Variants in MLLT1 observed in about 807,000 individuals in gnomAD.
MLLT1 encodes MLLT1 super elongation complex subunit, also known as protein ENL.
MLLT1 carries 11 observed loss-of-function variants against 55.1 expected under a neutral mutation model. The ratio of observed to expected loss-of-function variants is 0.20; its 90% CI spans 0.13 to 0.33. The LOEUF is 0.33. MLLT1 is among the 10% of genes least tolerant of loss of function. MLLT1 has a pLI of 1.00. For missense variants in MLLT1, 536 were observed against 760.6 expected (o/e 0.70, Z 3.47); for synonymous variants, 323 against 320.1 (o/e 1.01, Z -0.10).
rs762472799 is a variant in MLLT1 at position 6,217,991 on chromosome 19, T to G, written c.1161A>C (p.Ser387=). 6.8e-6 allele frequency: 11 copies of G among 1,606,810 alleles called. No individual in the cohort carries two copies. Among genetic ancestry groups the G allele is most frequent in the Middle Eastern group, 1.7e-4 (1 of 6,052 alleles). Residue 387 remains serine, a synonymous_variant, in exon 7 of 12, where the codon TCA becomes TCC. Transcript: ENST00000252674. The part of the protein sequence containing the change: ...SNSSSSSDSS[S]DSDFEPSQNH... The stretch of plus-strand genomic sequence containing the variant: ...TCTGGGATGGCTCGAAGTCTGAGTC[T>G]GAGCTGGAGTCTGAGCTGGAGCTGG...
chr19:6,262,125 TG>T lies in MLLT1; in HGVS notation c.276+102del. On this transcript the variant is annotated intron_variant, in intron 3 of 11. Coordinates refer to ENST00000252674, the MANE Select transcript of MLLT1 (RefSeq NM_005934.4). This position sits in a 1 kb window ranked among gnomAD's most constrained non-coding sequence, Gnocchi z 4.4. ...CAGCACTCACTGGAATGTCTGTGCA[TG>T]GGCAGCGGCCAGTTCTCTGGCCTGT... is the stretch of plus-strand genomic sequence containing the variant. 1.2e-6 allele frequency: 1 copy of T among 866,622 alleles called. No homozygotes were observed. The highest frequency in any genetic ancestry group is 1.9e-6 in the Non-Finnish European group (1 of 519,824). 53.7% of individuals were successfully genotyped at this position (866,622 alleles called of 1,614,324 possible). A position where few individuals can be genotyped will look rare whatever the true frequency, so the allele number is the denominator to read the frequency against.
At chr19:6,243,753 A>T (rs1030064111) in intron 3 of MLLT1, among the ~76,000 whole-genome samples, 7 of 152,138 alleles carry the variant, frequency 4.6e-5, no homozygotes, top group Non-Finnish European at 7.4e-5. Context: ...ACATAAGAAG[A>T]AGTCAATCGG....
intron 3 of MLLT1, among the ~76,000 whole-genome samples, chr19:6,239,905 A>G (rs571053921): frequency 1.5e-4 from 23 of 151,900 alleles, no homozygotes; most frequent in Admixed American, 1.5e-3. Context: ...TGCATATATC[A>G]CCTTGGCTTT....
chr19:6,273,036 C>T lies in MLLT1; in HGVS notation c.13-2277G>A, dbSNP rs896486269. Among the ~76,000 whole-genome samples, 6 of 152,130 alleles carry T rather than the reference C, an allele frequency of 3.9e-5. No individual in the cohort carries two copies. Among genetic ancestry groups the T allele is most frequent in the Non-Finnish European group, 4.4e-5 (3 of 68,022 alleles). The stretch of plus-strand genomic sequence containing the variant: ...CAGGACGACTGTCCCTCTGGAGTTC[C>T]CTGGGAAAAGAGGGCAGGGACTCCC... On this transcript the variant is annotated intron_variant, in intron 1 of 11. Transcript: ENST00000252674. This position sits in a 1 kb window ranked among gnomAD's most constrained non-coding sequence, Gnocchi z 4.3.
chr19:6,221,723 T>A (rs1308009897), intron 6 of MLLT1, among the ~76,000 whole-genome samples: 1 of 152,124 alleles, frequency 6.6e-6, no homozygotes, highest in African/African-American at 2.4e-5. Flanking sequence ...TTGGCAGAGC[T>A]CCAGGCCGGG....
At position 6,229,280 on chromosome 19, in the gene MLLT1, G is replaced by A. The variant is rs1311295905; in HGVS notation, c.420+1290C>T. Among the ~76,000 whole-genome samples, 1 of 152,108 alleles carries A rather than the reference G, an allele frequency of 6.6e-6. No individual in the cohort carries two copies. The highest frequency in any genetic ancestry group is 1.5e-5 in the Non-Finnish European group (1 of 68,008). On this transcript the variant is annotated intron_variant, in intron 4 of 11. Coordinates refer to ENST00000252674, the MANE Select transcript of MLLT1 (RefSeq NM_005934.4). The surrounding 1 kb of genome is among the most constrained non-coding windows in gnomAD (Gnocchi z 5.2). The stretch of plus-strand genomic sequence containing the variant: ...CACGCCATCCACATAGGCCCACGCC[G>A]GCACTGCCCTCCCCGGATCAGAACC...
intron 5 of MLLT1, among the ~76,000 whole-genome samples, chr19:6,223,175 G>A (rs1012820319): frequency 1.3e-5 from 2 of 152,102 alleles, no homozygotes; most frequent in African/African-American, 4.8e-5. Context: ...TCACTCACGG[G>A]CTTCCTTTCT....
chr19:6,212,816 C>CGG lies in MLLT1; in HGVS notation c.*224_*225dup. 1 of 894,254 alleles carries CGG rather than the reference C, an allele frequency of 1.1e-6. No homozygotes were observed. Among genetic ancestry groups the CGG allele is most frequent in the Admixed American group, 3.7e-5 (1 of 27,090 alleles). 55.4% of individuals were successfully genotyped at this position (894,254 alleles called of 1,614,324 possible). On this transcript the variant is annotated 3_prime_UTR_variant, in exon 12 of 12. Transcript: ENST00000252674. ...CTCTCTGAGGGGAGCCCAGAGAGCC[C>CGG]GGGGGGCGGCTCCCGTGTGGCCCAG...
intron 3 of MLLT1, among the ~76,000 whole-genome samples, chr19:6,236,866 A>G (rs981824130): frequency 3.9e-5 from 6 of 152,190 alleles, no homozygotes; most frequent in Non-Finnish European, 8.8e-5. Flanking sequence ...GGACACCCTT[A>G]GCGACTCCAG....
In MLLT1 at chr19:6,222,108, A is replaced by G; in HGVS notation, c.1110+13T>C. On this transcript the variant is annotated intron_variant, in intron 6 of 11. Coordinates refer to ENST00000252674, the MANE Select transcript of MLLT1 (RefSeq NM_005934.4). The surrounding 1 kb of genome is among the most constrained non-coding windows in gnomAD (Gnocchi z 4.1). Reference sequence around the variant, plus strand: ...GCCTGCACCTGGCTGCCCTGCCCCCAGCACTCACTCACCTCGGACTTGAAG... The same window carrying G: ...GCCTGCACCTGGCTGCCCTGCCCCCGGCACTCACTCACCTCGGACTTGAAG... 1 of 1,493,534 alleles carries G rather than the reference A, an allele frequency of 6.7e-7. No homozygotes were observed. Among genetic ancestry groups the G allele is most frequent in the South Asian group, 1.4e-5 (1 of 72,100 alleles). 92.5% of individuals were successfully genotyped at this position (1,493,534 alleles called of 1,614,324 possible).
intron 3 of MLLT1, among the ~76,000 whole-genome samples, chr19:6,233,582 TAAAC>T (rs1185484010): frequency 6.6e-6 from 1 of 152,114 alleles, no homozygotes; most frequent in Non-Finnish European, 1.5e-5. Context: ...TCCCAAGTCA[TAAAC>T]AAAACTGCAG....
rs2091450791 is a variant in MLLT1 at position 6,279,963 on chromosome 19, GC to G, written c.-180del. The G allele has an allele frequency of 6.2e-6, 1 of 161,182 alleles. No individual in the cohort carries two copies. Among genetic ancestry groups the G allele is most frequent in the African/African-American group, 2.4e-5 (1 of 41,286 alleles). The allele number at this position is 161,182 out of a possible 1,614,324, so 10.0% of individuals were successfully genotyped here. ...CCCGCGGAACCGGAAACCACCGCCA[GC>G]CCGGGTCGCGCACCGATCACGGGCC... On this transcript the variant is annotated 5_prime_UTR_variant, in exon 1 of 12. Transcript: ENST00000252674.
intron 3 of MLLT1, among the ~76,000 whole-genome samples, chr19:6,242,219 T>C (rs893449695): frequency 2.6e-5 from 4 of 152,180 alleles, no homozygotes; most frequent in Admixed American, 1.3e-4. Context: ...AAGAGCCATC[T>C]CCACTCTACA....
At position 6,216,393 on chromosome 19, in the gene MLLT1, C is replaced by G; in HGVS notation, c.1307+12G>C. On this transcript the variant is annotated intron_variant, in intron 8 of 11. Coordinates refer to ENST00000252674, the MANE Select transcript of MLLT1 (RefSeq NM_005934.4). Reference sequence around the variant, plus strand: ...GGCCGCCTCCGCCCCCTGGCTCCCACCGGGCCGTCACCTGGAGTCCCTCCC... The same window carrying G: ...GGCCGCCTCCGCCCCCTGGCTCCCAGCGGGCCGTCACCTGGAGTCCCTCCC... The G allele has an allele frequency of 6.3e-7, 1 of 1,590,282 alleles. No individual in the cohort carries two copies. Among genetic ancestry groups the G allele is most frequent in the Non-Finnish European group, 8.6e-7 (1 of 1,168,080 alleles).
chr19:6,274,546 C>A (rs941056563), intron 1 of MLLT1, among the ~76,000 whole-genome samples: 2 of 152,212 alleles, frequency 1.3e-5, no homozygotes, highest in Admixed American at 6.5e-5. Flanking sequence ...GGCTCTCCCC[C>A]AACTTTATCC....
rs1358795308 is a variant in MLLT1, at chr19:6,227,770, TG to T, written c.421-669del. 6.6e-6 allele frequency among the ~76,000 whole-genome samples: 1 copy of T among 152,142 alleles called. No individual in the cohort carries two copies. Among genetic ancestry groups the T allele is most frequent in the African/African-American group, 2.4e-5 (1 of 41,402 alleles). ...CAGAGGCTACGGATGACGAAAGTTC[TG>T]GGGTCCTTCCAGGAGGGCTCCCAGG... On this transcript the variant is annotated intron_variant, in intron 4 of 11. Coordinates refer to ENST00000252674, the MANE Select transcript of MLLT1 (RefSeq NM_005934.4). The surrounding 1 kb of genome is among the most constrained non-coding windows in gnomAD (Gnocchi z 5.1).
intron 2 of MLLT1, among the ~76,000 whole-genome samples, chr19:6,268,221 G>A (rs1259101553): frequency 6.6e-6 from 1 of 152,188 alleles, no homozygotes; most frequent in Non-Finnish European, 1.5e-5. Context: ...GATCCCAAAG[G>A]TAAACAGGCT....
Position 6,227,125 on chromosome 19 carries a change from C to A in MLLT1, c.421-23G>T. On this transcript the variant is annotated intron_variant, in intron 4 of 11. Coordinates refer to ENST00000252674, the MANE Select transcript of MLLT1 (RefSeq NM_005934.4). This position sits in a 1 kb window ranked among gnomAD's most constrained non-coding sequence, Gnocchi z 5.1. ...CACCTAGTGACAGAGAAGAGACAGT[C>A]ATTATCGATGGGCAGGGGGCAGGGG... 2 of 1,583,854 alleles carry A rather than the reference C, an allele frequency of 1.3e-6. No individual in the cohort carries two copies. The highest frequency in any genetic ancestry group is 2.3e-5 in the South Asian group (2 of 86,528).
chr19:6,218,989 G>T (rs1268442094), intron 6 of MLLT1, among the ~76,000 whole-genome samples: 1 of 152,172 alleles, frequency 6.6e-6, no homozygotes, highest in African/African-American at 2.4e-5. Flanking sequence ...CAGCTGGTCT[G>T]CTGGATTCTG....
Sources: gnomAD v4.1 joint callset for allele counts (sites outside exome capture counted in the v4.1 genomes callset) on GRCh38, gnomAD v4.1.1 for gene constraint, Gnocchi (gnomAD v3.1) non-coding constraint, MANE v1.5 for transcripts, NCBI Gene and HGNC (gene_info 2026-07-23, HGNC 2026-07-21) for gene names.